The following SH3D19 variants were observed in gnomAD, a reference collection of about 807,000 sequenced individuals.
The protein encoded by SH3D19 is SH3 domain-containing protein 19.
Under a neutral mutation model 112.1 loss-of-function variants are expected in SH3D19, and 58 were observed. The ratio of observed to expected loss-of-function variants is 0.52; its 90% CI spans 0.42 to 0.64. The LOEUF (loss-of-function observed/expected upper bound fraction) is 0.64. SH3D19 is among the 30% of genes least tolerant of loss of function. SH3D19 has a pLI of 0.00. For synonymous variants in SH3D19, 391 were observed against 448.5 expected, an observed-to-expected ratio of 0.87 and a Z score of 1.62; for missense variants, 1,090 against 1,263.4, an observed-to-expected ratio of 0.86 and a Z score of 2.08.
intron 9 of SH3D19, among the ~76,000 whole-genome samples, chr4:151,152,982 C>G (rs557910642): frequency 2.6e-5 from 4 of 151,148 alleles, no homozygotes; most frequent in Non-Finnish European, 5.9e-5. Flanking sequence ...ATTACAGGCA[C>G]GTGCCACCAC....
intron 1 of SH3D19, among the ~76,000 whole-genome samples, chr4:151,230,463 G>A (rs1769521421): frequency 6.6e-6 from 1 of 152,126 alleles, no homozygotes; most frequent in African/African-American, 2.4e-5. Flanking sequence ...ATTGGGTAGG[G>A]ACTTACTTTA....
chr4:151,183,907 T>C (rs1337188976), intron 3 of SH3D19, among the ~76,000 whole-genome samples: 1 of 152,208 alleles, frequency 6.6e-6, no homozygotes, highest in Non-Finnish European at 1.5e-5. Context: ...CCACTTAACC[T>C]TTCTGGGACT....
chr4:151,135,687 C>T (rs908492914), intron 14 of SH3D19, among the ~76,000 whole-genome samples: 3 of 152,000 alleles, frequency 2.0e-5, no homozygotes, highest in Admixed American at 1.3e-4. Flanking sequence ...CCTTAGCCTC[C>T]CAAAGTGCTG....
intron 1 of SH3D19, among the ~76,000 whole-genome samples, chr4:151,307,424 A>C (rs1729029976): frequency 6.6e-6 from 1 of 152,226 alleles, no homozygotes; most frequent in Non-Finnish European, 1.5e-5. Context: ...TCAAAAGCCA[A>C]ATTAATCAGG....
intron 1 of SH3D19, among the ~76,000 whole-genome samples, chr4:151,316,441 T>G (rs1427278430): frequency 6.6e-6 from 1 of 152,100 alleles, no homozygotes; most frequent in African/African-American, 2.4e-5. Flanking sequence ...TAATCATACA[T>G]CAATATTAGT....
chr4:151,244,271 G>A (rs1011459718), intron 1 of SH3D19, among the ~76,000 whole-genome samples: 2 of 152,062 alleles, frequency 1.3e-5, no homozygotes, highest in African/African-American at 2.4e-5. Context: ...TTTTGGTTTT[G>A]TTTTGTTTTG....
chr4:151,217,554 G>A (rs1206060276), intron 2 of SH3D19, among the ~76,000 whole-genome samples: 2 of 152,020 alleles, frequency 1.3e-5, no homozygotes, highest in Admixed American at 1.3e-4. Flanking sequence ...AGAGAACTTG[G>A]AACAGTACCA....
At chr4:151,254,378 T>G (rs1212708900) in intron 1 of SH3D19, among the ~76,000 whole-genome samples, 1 of 150,870 alleles carries the variant, frequency 6.6e-6, no homozygotes, top group Non-Finnish European at 1.5e-5. Context: ...GAGGGGGATT[T>G]GGCAGGGTCA....
intron 1 of SH3D19, among the ~76,000 whole-genome samples, chr4:151,323,660 CACA>C (rs1730764968): frequency 6.6e-6 from 1 of 152,180 alleles, no homozygotes; most frequent in Non-Finnish European, 1.5e-5. Context: ...GCAAAAAGTA[CACA>C]ATGTCATGTC....
At chr4:151,263,352 C>G (rs376535167) in intron 1 of SH3D19, among the ~76,000 whole-genome samples, 19 of 152,126 alleles carry the variant, frequency 1.2e-4, no homozygotes, top group Admixed American at 4.6e-4. Flanking sequence ...AAGATGAAAA[C>G]CATCCAACCC....
At chr4:151,253,329 CTCTCT>C (rs1206730322) in intron 1 of SH3D19, among the ~76,000 whole-genome samples, 1 of 152,228 alleles carries the variant, frequency 6.6e-6, no homozygotes, top group Non-Finnish European at 1.5e-5. Flanking sequence ...GGCTCATTTC[CTCTCT>C]TACCTCTCAG....
intron 1 of SH3D19, among the ~76,000 whole-genome samples, chr4:151,276,457 TAGG>T (rs1773632874): frequency 1.3e-5 from 2 of 152,016 alleles, no homozygotes; most frequent in South Asian, 4.1e-4. Context: ...TGCCCCCTCC[TAGG>T]AGGTGGCCTG....
At chr4:151,255,333 C>T (rs1461324235) in intron 1 of SH3D19, among the ~76,000 whole-genome samples, 1 of 150,580 alleles carries the variant, frequency 6.6e-6, no homozygotes, top group Non-Finnish European at 1.5e-5. Context: ...CAGAGATGCT[C>T]CTCACCTCCC....
intron 1 of SH3D19, among the ~76,000 whole-genome samples, chr4:151,255,028 G>C (rs1771729902): frequency 6.6e-6 from 1 of 150,966 alleles, no homozygotes; most frequent in African/African-American, 2.4e-5. Context: ...GGGCGGCCGG[G>C]CAGAGGCGCC....
chr4:151,223,249 A>G (rs962807358), intron 2 of SH3D19, among the ~76,000 whole-genome samples: 1 of 150,014 alleles, frequency 6.7e-6, no homozygotes, highest in Non-Finnish European at 1.5e-5. Flanking sequence ...ACAACTTTTT[A>G]CAGAAGTTTT....
At chr4:151,198,429 T>A (rs2407420) in intron 2 of SH3D19, among the ~76,000 whole-genome samples, 12,960 of 142,336 alleles carry the variant, frequency 0.091, 853 homozygotes, top group East Asian at 0.2. Context: ...AAATATATAT[T>A]ATATAAAATA....
intron 1 of SH3D19, among the ~76,000 whole-genome samples, chr4:151,312,156 T>C (rs1295137510): frequency 1.3e-5 from 2 of 152,140 alleles, no homozygotes; most frequent in Non-Finnish European, 2.9e-5. Context: ...ACATCTTGAA[T>C]ATATTCAATT....
At chr4:151,145,752 T>C (rs986722854) in intron 11 of SH3D19, among the ~76,000 whole-genome samples, 5 of 152,202 alleles carry the variant, frequency 3.3e-5, no homozygotes, top group African/African-American at 9.6e-5. Flanking sequence ...ACGATTGGCG[T>C]AATGGTTAGG....
intron 3 of SH3D19, among the ~76,000 whole-genome samples, chr4:151,181,943 G>A (rs1166840521): frequency 6.6e-6 from 1 of 151,830 alleles, no homozygotes; most frequent in African/African-American, 2.4e-5. Context: ...GTGCAGACCA[G>A]GATATCCACA....
Sources: allele counts gnomAD v4.1 joint callset (sites outside exome capture counted in the v4.1 genomes callset), GRCh38; gene constraint gnomAD v4.1.1; transcripts MANE v1.5; gene names NCBI Gene and HGNC (gene_info 2026-07-23, HGNC 2026-07-21).